Variants in GPAA1 observed in about 807,000 individuals in gnomAD.
GPAA1 encodes the protein GPI-anchor transamidase component GPAA1.
GPAA1 carries 54 observed loss-of-function variants against 64.0 expected under a neutral mutation model. That is an observed-to-expected ratio of 0.84 (90% confidence interval 0.68 to 1.06). The LOEUF is 1.06. GPAA1 is among the 50% of genes least tolerant of loss of function. The probability of loss-of-function intolerance (pLI) is 0.00; values close to 1 mark genes in which losing one functional copy is unlikely to be tolerated. For missense variants in GPAA1, 780 were observed against 822.3 expected, an observed-to-expected ratio of 0.95 and a Z score of 0.63; for synonymous variants, 393 against 377.3, an observed-to-expected ratio of 1.04 and a Z score of -0.48.
Position 144,084,887 on chromosome 8 carries a change from C to T in GPAA1, c.1164+12C>T. The T allele has an allele frequency of 1.2e-6, 2 of 1,613,064 alleles. No individual in the cohort carries two copies. Among genetic ancestry groups the T allele is most frequent in the Non-Finnish European group, 8.5e-7 (1 of 1,179,684 alleles). ...TCCTTGGTCTCAAGATATCCTCTGC[C>T]CCTTGCCATCTACCTGTGACCAGCC... On this transcript the variant is annotated intron_variant, in intron 8 of 11. Coordinates refer to ENST00000355091, the MANE Select transcript of GPAA1 (RefSeq NM_003801.4).
Position 144,084,281 on chromosome 8 carries a change from T to C in GPAA1, c.764T>C (p.Phe255Ser). The C allele has an allele frequency of 6.2e-7, 1 of 1,613,818 alleles. No individual in the cohort carries two copies. Among genetic ancestry groups the C allele is most frequent in the Non-Finnish European group, 8.5e-7 (1 of 1,180,014 alleles). Reference sequence around the variant, plus strand: ...CCCAACCTTGACCTGCTCAATCTCTTCCAGACCTTCTGCCAGAAAGGGGGC... The same window carrying C: ...CCCAACCTTGACCTGCTCAATCTCTCCCAGACCTTCTGCCAGAAAGGGGGC... Reference protein sequence around the residue: ...QLPNLDLLNLFQTFCQKGGLL... With the variant: ...QLPNLDLLNLSQTFCQKGGLL... The change falls in exon 6 of 12, where the codon TTC becomes TCC. Residue 255 changes from phenylalanine to serine, a missense_variant. Transcript: ENST00000355091.
In GPAA1 at chr8:144,084,041, G is replaced by T. The variant is rs1554763955; in HGVS notation, c.616+1G>T. The T allele has an allele frequency of 1.2e-6, 2 of 1,612,770 alleles. No individual in the cohort carries two copies. The highest frequency in any genetic ancestry group is 4.5e-5 in the East Asian group (2 of 44,882). ...GCCTACCACGATGTCAATGTCACTG[G>T]TAGGTTCTCTTGTCCTGCCTGCCCT... On this transcript the variant is annotated splice_donor_variant, in intron 5 of 11. Coordinates refer to ENST00000355091, the MANE Select transcript of GPAA1 (RefSeq NM_003801.4). LOFTEE classifies it high-confidence loss of function.
intron 9 of GPAA1, 56 bp downstream of exon 9, chr8:144,085,194 A>G: frequency 6.9e-7 from 1 of 1,456,712 alleles, no homozygotes; most frequent in South Asian, 1.3e-5. Flanking sequence ...ACTGGTGTTT[A>G]GTGTTGCAAC....
intron 8 of GPAA1, 45 bp downstream of exon 8, chr8:144,084,920 T>C (rs996106362): frequency 4.4e-6 from 7 of 1,602,750 alleles, no homozygotes; most frequent in Non-Finnish European, 6.0e-6. Context: ...GCCTCCAGTC[T>C]CCTCAACTCT....
chr8:144,083,573 T>G, intron 3 of GPAA1, 73 bp downstream of exon 3: 1 of 1,433,440 alleles, frequency 7.0e-7, no homozygotes, highest in East Asian at 2.3e-5. Flanking sequence ...GGTATCACCT[T>G]GCGGGGGTGT....
chr8:144,084,910 G>C lies in GPAA1; in HGVS notation c.1164+35G>C, dbSNP rs782638315. 56 of 1,609,824 alleles carry C rather than the reference G, an allele frequency of 3.5e-5. No individual in the cohort carries two copies. The East Asian group carries it at 6.9e-4, about 20-fold the overall frequency. On this transcript the variant is annotated intron_variant, in intron 8 of 11. Transcript: ENST00000355091. ...GCCCCTTGCCATCTACCTGTGACCA[G>C]CCTCCAGTCTCCTCAACTCTAGGCT...
rs747068322 is a variant in GPAA1 at position 144,083,553 on chromosome 8, G to A, written c.366+53G>A. The A allele has an allele frequency of 1.2e-5, 18 of 1,485,544 alleles. No individual in the cohort carries two copies. The Admixed American group carries it at 2.8e-4, about 23-fold the overall frequency. The allele number at this position is 1,485,544 out of a possible 1,614,324, so 92.0% of individuals were successfully genotyped here. A position where few individuals can be genotyped will look rare whatever the true frequency, so the allele number is the denominator to read the frequency against. ...CCCAGAAAGCACCTTGGAGGGAGGGGTCTGGGCTGGGTATCACCTTGCGGG... is the reference window on the plus strand; with the variant it reads ...CCCAGAAAGCACCTTGGAGGGAGGGATCTGGGCTGGGTATCACCTTGCGGG... On this transcript the variant is annotated intron_variant, in intron 3 of 11. Transcript: ENST00000355091.
chr8:144,084,082 G>T, intron 5 of GPAA1, 42 bp downstream of exon 5: 1 of 1,608,364 alleles, frequency 6.2e-7, no homozygotes, highest in Non-Finnish European at 8.5e-7. Context: ...CCCTCTCAGG[G>T]TCACTGTCCT....
chr8:144,083,183 C>T lies in GPAA1; in HGVS notation c.134C>T (p.Thr45Ile). ...WFLALVFPPLTQRTYMSENAM... is the reference protein window; with the variant it reads ...WFLALVFPPLIQRTYMSENAM... ...TTGGCGCTGGTTTTCCCGCCGCTGACCCAGCGCACTTACATGTCGGAGAAC... is the reference window on the plus strand; with the variant it reads ...TTGGCGCTGGTTTTCCCGCCGCTGATCCAGCGCACTTACATGTCGGAGAAC... Residue 45 changes from threonine (T) to isoleucine (I), a missense_variant, in exon 2 of 12, where the codon ACC (threonine) becomes ATC (isoleucine). Coordinates refer to ENST00000355091, the MANE Select transcript of GPAA1 (RefSeq NM_003801.4). 1.2e-6 allele frequency: 2 copies of T among 1,613,084 alleles called. No homozygotes were observed. Among genetic ancestry groups the T allele is most frequent in the Non-Finnish European group, 1.7e-6 (2 of 1,179,832 alleles).
At position 144,084,742 on chromosome 8, in the gene GPAA1, G is replaced by A. The variant is rs782442904; in HGVS notation, c.1031G>A (p.Arg344His). The change falls in exon 8 of 12, where the codon CGC becomes CAC. Residue 344 changes from arginine to histidine, a missense_variant. Arg to His is a conservative substitution (Grantham distance 29, BLOSUM62 0). Coordinates refer to ENST00000355091, the MANE Select transcript of GPAA1 (RefSeq NM_003801.4). ...GACAGGGCTTTGGAGGGCATGTTCC[G>A]CAAGCTCAACCACCTCCTGGAGCGC... ...AVGKALEGMF[R>H]KLNHLLERLH... 35 of 1,613,642 alleles carry A rather than the reference G, an allele frequency of 2.2e-5. No individual in the cohort carries two copies. The highest frequency in any genetic ancestry group is 5.0e-5 in the Admixed American group (3 of 60,006).
Position 144,083,808 on chromosome 8 carries a change from C to G in GPAA1, c.461C>G (p.Ser154Cys), listed in dbSNP as rs1554763904. The G allele has an allele frequency of 1.9e-6, 3 of 1,610,238 alleles. No homozygotes were observed. Among genetic ancestry groups the G allele is most frequent in the African/African-American group, 2.7e-5 (2 of 75,074 alleles). The change falls in exon 4 of 12, where the codon TCT becomes TGT. Residue 154 changes from serine to cysteine, a missense_variant. Ser to Cys is a moderately radical substitution (Grantham distance 112). Coordinates refer to ENST00000355091, the MANE Select transcript of GPAA1 (RefSeq NM_003801.4). ...LVLTVPCGSDSTNSQAVGLLL... is the reference protein window; with the variant it reads ...LVLTVPCGSDCTNSQAVGLLL... ...CTCACCGTGCCCTGTGGCTCTGACT[C>G]TACCAACAGCCAGGCTGTGGGGCTG...
chr8:144,085,923 C>T lies in GPAA1; in HGVS notation c.1664C>T (p.Ala555Val). The change falls in exon 12 of 12, where the codon GCC becomes GTC. Residue 555 changes from alanine (A) to valine (V), a missense_variant. By Grantham distance (64) the Ala-to-Val change is moderately conservative. Coordinates refer to ENST00000355091, the MANE Select transcript of GPAA1 (RefSeq NM_003801.4). ...CTGCTGGTGCTGACCAGCCCGGCAG[C>T]CACGCTCCTTGGCAGCCTGTTCCTG... The part of the protein sequence containing the change: ...AALLVLTSPA[A>V]TLLGSLFLWR... The T allele has an allele frequency of 1.9e-6, 3 of 1,610,066 alleles. No individual in the cohort carries two copies. Among genetic ancestry groups the T allele is most frequent in the Non-Finnish European group, 2.5e-6 (3 of 1,179,582 alleles).
chr8:144,084,484 G>A lies in GPAA1; in HGVS notation c.885G>A (p.Leu295=). ...TGCAGACACTGCTGCTCATGGTTCT[G>A]CGGCAGGCCTCCGGCCGCCCCCACG... ...QGLQTLLLMV[L]RQASGRPHGS... is the part of the protein sequence containing the mutation. The change falls in exon 7 of 12, where the codon CTG becomes CTA. Residue 295 remains leucine, a synonymous_variant. Coordinates refer to ENST00000355091, the MANE Select transcript of GPAA1 (RefSeq NM_003801.4). The A allele has an allele frequency of 6.2e-7, 1 of 1,613,398 alleles. No homozygotes were observed. Among genetic ancestry groups the A allele is most frequent in the Non-Finnish European group, 8.5e-7 (1 of 1,179,994 alleles).
At position 144,083,255 on chromosome 8, in the gene GPAA1, G is replaced by A; in HGVS notation, c.206G>A (p.Arg69His). 1.2e-6 allele frequency: 2 copies of A among 1,605,110 alleles called. No homozygotes were observed. Among genetic ancestry groups the A allele is most frequent in the Non-Finnish European group, 1.7e-6 (2 of 1,174,398 alleles). Residue 69 changes from arginine to histidine, a missense_variant, in exon 2 of 12, where the codon CGT becomes CAT. Transcript: ENST00000355091. ...GAGGAGCAGTTTGCGGGCGGAGACC[G>A]TGCCCGGGCTTTTGCCCGGGACTTC... ...MVEEQFAGGD[R>H]ARAFARDFAA... is the part of the protein sequence containing the mutation.
At position 144,084,793 on chromosome 8, in the gene GPAA1, T is replaced by C; in HGVS notation, c.1082T>C (p.Leu361Ser). 6.2e-7 allele frequency: 1 copy of C among 1,613,812 alleles called. No individual in the cohort carries two copies. Among genetic ancestry groups the C allele is most frequent in the Non-Finnish European group, 8.5e-7 (1 of 1,179,974 alleles). The change falls in exon 8 of 12, where the codon TTG (leucine) becomes TCG (serine). Residue 361 changes from leucine (L) to serine (S), a missense_variant. By Grantham distance (145) the Leu-to-Ser change is moderately radical. Transcript: ENST00000355091. ...ERLHQSFFLYLLPGLSRFVSI... is the reference protein window; with the variant it reads ...ERLHQSFFLYSLPGLSRFVSI... Reference sequence around the variant, plus strand: ...CTGCACCAGTCCTTCTTCCTCTACTTGCTCCCCGGCCTCTCCCGCTTCGTC... The same window carrying C: ...CTGCACCAGTCCTTCTTCCTCTACTCGCTCCCCGGCCTCTCCCGCTTCGTC...
In GPAA1 at chr8:144,086,077, C is replaced by T. The variant is rs782708523; in HGVS notation, c.1818C>T (p.Gly606=). 6.2e-6 allele frequency: 10 copies of T among 1,613,532 alleles called. No homozygotes were observed. In the African/African-American group the frequency reaches 1.3e-4, roughly 22 times the overall value. ...GALLFPLLSL[G]LYPCWLLFWN... ...TGCTCTTCCCACTGCTGTCCCTGGG[C>T]CTCTACCCCTGCTGGCTGCTTTTCT... The change falls in exon 12 of 12, where the codon GGC becomes GGT. Residue 606 remains glycine, a synonymous_variant. Transcript: ENST00000355091.
chr8:144,084,697 C>T (rs782468495), intron 7 of GPAA1, 25 bp from the exon 8 acceptor site: 166 of 1,612,334 alleles, frequency 1.0e-4, no homozygotes, highest in South Asian at 1.9e-4. Flanking sequence ...TCTGGCCAGC[C>T]GTGAACCTGC....
chr8:144,085,252 C>T (rs1417098213), intron 9 of GPAA1, 37 bp from the exon 10 acceptor site: 10 of 1,553,964 alleles, frequency 6.4e-6, no homozygotes, highest in Non-Finnish European at 8.7e-6. Context: ...ATCCCCTGGC[C>T]CCAGGGTCCA....
Position 144,083,213 on chromosome 8 carries a change from T to G in GPAA1, c.164T>G (p.Met55Arg). 6.2e-7 allele frequency: 1 copy of G among 1,612,470 alleles called. No homozygotes were observed. Among genetic ancestry groups the G allele is most frequent in the Non-Finnish European group, 8.5e-7 (1 of 1,179,406 alleles). ...CGCACTTACATGTCGGAGAACGCCA[T>G]GGGCTCCACCATGGTGGAGGAGCAG... The part of the protein sequence containing the change: ...TQRTYMSENA[M>R]GSTMVEEQFA... The change falls in exon 2 of 12, where the codon ATG becomes AGG. Residue 55 changes from methionine to arginine, a missense_variant. Coordinates refer to ENST00000355091, the MANE Select transcript of GPAA1 (RefSeq NM_003801.4).
Sources: gnomAD v4.1 joint callset for allele counts on GRCh38, gnomAD v4.1.1 for gene constraint, MANE v1.5 for transcripts, NCBI Gene and HGNC (gene_info 2026-07-23, HGNC 2026-07-21) for gene names.